Variants in UBP1 observed in about 807,000 individuals in gnomAD.
The protein encoded by UBP1 is upstream-binding protein 1.
UBP1 carries 22 observed loss-of-function variants against 76.1 expected under a neutral mutation model. The observed-to-expected ratio is 0.29, with a 90% CI of 0.21 to 0.41. The LOEUF (loss-of-function observed/expected upper bound fraction) is 0.41, where lower values mean the gene tolerates loss of function less well. Ranked by LOEUF, UBP1 falls within the 10% of genes least tolerant of loss-of-function variation. UBP1 has a pLI of 1.00. For missense variants in UBP1, 436 were observed against 668.1 expected, an observed-to-expected ratio of 0.65 and a Z score of 3.83; for synonymous variants, 224 against 237.1, an observed-to-expected ratio of 0.94 and a Z score of 0.51.
chr3:33,439,704 A>T (rs1482317192), intron 1 of UBP1, 32 bp downstream of exon 1: 1 of 1,606,096 alleles, frequency 6.2e-7, no homozygotes, highest in East Asian at 2.2e-5. Context: ...CCAAGGAGAC[A>T]GAGGCTTCTC....
At chr3:33,412,094 C>A (rs539596730) in intron 4 of UBP1, among the ~76,000 whole-genome samples, 1 of 143,614 alleles carries the variant, frequency 7.0e-6, no homozygotes, top group East Asian at 2.1e-4. Context: ...GGCTGAGGCA[C>A]AAGAATCACT....
chr3:33,390,722 G>A (rs1194409593), intron 15 of UBP1: 9 of 259,164 alleles, frequency 3.5e-5, no homozygotes, highest in Non-Finnish European at 5.3e-5. Flanking sequence ...CTGTGTCAGG[G>A]CAGAGGACCT....
At chr3:33,392,820 A>G in intron 14 of UBP1, 2 of 484,934 alleles carry the variant, frequency 4.1e-6, no homozygotes, top group East Asian at 6.8e-5. Flanking sequence ...GGTCCCTGAG[A>G]GACCTGGTCA....
Position 33,400,271 on chromosome 3 carries a change from A to G in UBP1, c.1098T>C (p.Pro366=). ...ASQTSGEQIQ[P]SATIQETQQW... ...GCTGTGTTTCCTGGATCGTAGCTGA[A>G]GGCTGAATTTGCTATTAACAATGAA... The change falls in exon 11 of 16, where the codon CCT becomes CCC. Residue 366 remains proline (P), a synonymous_variant. Coordinates refer to ENST00000283629, the MANE Select transcript of UBP1 (RefSeq NM_014517.5). 1 of 1,600,194 alleles carries G rather than the reference A, an allele frequency of 6.2e-7. No individual in the cohort carries two copies.
intron 1 of UBP1, 131 bp from the exon 2 acceptor site, chr3:33,425,872 T>TAA: frequency 4.0e-6 from 3 of 748,564 alleles, no homozygotes; most frequent in Non-Finnish European, 5.7e-6. Context: ...ATAGTTTTTT[T>TAA]TTTAAGATCA....
In UBP1 at chr3:33,401,011, G is replaced by T. The variant is rs769062378; in HGVS notation, c.1037C>A (p.Ser346Tyr). The part of the protein sequence containing the change: ...QSTCSVPDSN[S>Y]SSPNHQGDGA... ...ATCTCCCTGATGATTTGGGGAAGAA[G>T]AATTGCTGGGGAGAAAGGAGAAAGA... Residue 346 changes from serine to tyrosine, a missense_variant, in exon 10 of 16, where the codon TCT becomes TAT. Around this residue, in one of 3 missense-constraint regions of UBP1, gnomAD observed 210 missense variants for 272.8 expected, o/e 0.77. Coordinates refer to ENST00000283629, the MANE Select transcript of UBP1 (RefSeq NM_014517.5). The T allele has an allele frequency of 3.8e-6, 6 of 1,591,392 alleles. No individual in the cohort carries two copies. The highest frequency in any genetic ancestry group is 4.6e-5 in the East Asian group (2 of 43,216).
chr3:33,392,881 A>G, intron 14 of UBP1: 1 of 392,956 alleles, frequency 2.5e-6, no homozygotes, highest in Non-Finnish European at 4.5e-6. Flanking sequence ...CCAGTGGATG[A>G]TGACTCGAAC....
At position 33,389,973 on chromosome 3, in the gene UBP1, C is replaced by T. The variant is rs1409370377; in HGVS notation, c.*358G>A. The stretch of plus-strand genomic sequence containing the variant: ...ACTGGCACAGAAAGGTAAATGCCCA[C>T]AGTAAGTTTCTACATTCATTTCCAA... On this transcript the variant is annotated 3_prime_UTR_variant, in exon 16 of 16. Coordinates refer to ENST00000283629, the MANE Select transcript of UBP1 (RefSeq NM_014517.5). 4.7e-6 allele frequency: 1 copy of T among 214,198 alleles called. No individual in the cohort carries two copies. The highest frequency in any genetic ancestry group is 2.3e-5 in the African/African-American group (1 of 43,912). The allele number at this position is 214,198 out of a possible 1,614,324, so 13.3% of individuals were successfully genotyped here.
chr3:33,390,345 T>A lies in UBP1; in HGVS notation c.1609A>T (p.Ile537Leu). 1 of 1,614,182 alleles carries A rather than the reference T, an allele frequency of 6.2e-7. No homozygotes were observed. The highest frequency in any genetic ancestry group is 1.6e-4 in the Middle Eastern group (1 of 6,062). Residue 537 changes from isoleucine to leucine, a missense_variant, in exon 16 of 16, where the codon ATA (isoleucine) becomes TTA (leucine). Coordinates refer to ENST00000283629, the MANE Select transcript of UBP1 (RefSeq NM_014517.5). The part of the protein sequence containing the change: ...VKAESSDGIH[I>L]ILK ...TATATAAGACATCACTTCAAAATTA[T>A]GTGGATGCCATCACTACTTTCAGCT...
At chr3:33,440,972 A>G (rs2045292962), upstream of UBP1, 1 of 152,264 alleles carries the variant, frequency 6.6e-6, no homozygotes, top group Non-Finnish European at 1.5e-5. Context: ...TGGCGTGAGA[A>G]TAAGCCAATC....
In UBP1 at chr3:33,393,299, T is replaced by C. The variant is rs752168363; in HGVS notation, c.1533+13A>G. On this transcript the variant is annotated intron_variant, in intron 14 of 15. Coordinates refer to ENST00000283629, the MANE Select transcript of UBP1 (RefSeq NM_014517.5). ...TACCAGTCTGAAAAGGAAAAACAAATGATTTGATTTACCTGATCACTAACA... is the reference window on the plus strand; with the variant it reads ...TACCAGTCTGAAAAGGAAAAACAAACGATTTGATTTACCTGATCACTAACA... 1.3e-6 allele frequency: 2 copies of C among 1,588,412 alleles called. No homozygotes were observed. The highest frequency in any genetic ancestry group is 2.3e-5 in the South Asian group (2 of 85,414).
At chr3:33,417,824 A>G (rs1203285931) in intron 2 of UBP1, among the ~76,000 whole-genome samples, 1 of 152,166 alleles carries the variant, frequency 6.6e-6, no homozygotes, top group African/African-American at 2.4e-5. Flanking sequence ...CCTTGTCCAT[A>G]CTCCCAGGGG....
chr3:33,428,593 G>A (rs941457156), intron 1 of UBP1, among the ~76,000 whole-genome samples: 2 of 151,720 alleles, frequency 1.3e-5, no homozygotes, highest in Admixed American at 6.6e-5. Context: ...TATGCTCATG[G>A]TAAGTGCTAA....
At chr3:33,408,500 A>G (rs540527129) in intron 8 of UBP1, among the ~76,000 whole-genome samples, 190 bp downstream of exon 8, 3 of 152,246 alleles carry the variant, frequency 2.0e-5, no homozygotes, top group Non-Finnish European at 2.9e-5. Flanking sequence ...GCTTTGTTTT[A>G]AAGTGTTAGA....
chr3:33,405,856 A>G (rs1454919157), intron 8 of UBP1, among the ~76,000 whole-genome samples: 2 of 152,224 alleles, frequency 1.3e-5, no homozygotes, highest in Non-Finnish European at 2.9e-5. Flanking sequence ...GCAGAAATTA[A>G]GTCTCACCAA....
intron 1 of UBP1, among the ~76,000 whole-genome samples, chr3:33,434,422 C>T (rs1464679606): frequency 6.6e-6 from 1 of 151,402 alleles, no homozygotes; most frequent in Admixed American, 6.6e-5. Flanking sequence ...CCTCAGCCTC[C>T]CAGTAGCTGC....
Position 33,408,869 on chromosome 3 carries a change from G to A in UBP1, c.820-72C>T. On this transcript the variant is annotated intron_variant, in intron 7 of 15. Transcript: ENST00000283629. ...AGAAAGATCTAACACCCTGTTTCAT[G>A]TCTCTTCAGTCCAATTAAACAAATG... 1.2e-5 allele frequency: 15 copies of A among 1,283,910 alleles called. No individual in the cohort carries two copies. In the South Asian group the frequency reaches 1.7e-4, roughly 15 times the overall value. The allele number at this position is 1,283,910 out of a possible 1,614,324, so 79.5% of individuals were successfully genotyped here. A position where few individuals can be genotyped will look rare whatever the true frequency, so the allele number is the denominator to read the frequency against.
At chr3:33,398,515 C>T (rs2044096162) in intron 11 of UBP1, 1 of 152,330 alleles carries the variant, frequency 6.6e-6, no homozygotes, top group Admixed American at 6.5e-5. Flanking sequence ...ATGTACAACC[C>T]TTCCTGAAAT....
At chr3:33,415,504 A>C (rs2044705911) in intron 3 of UBP1, among the ~76,000 whole-genome samples, 1 of 152,170 alleles carries the variant, frequency 6.6e-6, no homozygotes. Context: ...ACTTATGAGA[A>C]CTCATGATAT....
Sources: gnomAD v4.1 joint callset for allele counts (sites outside exome capture counted in the v4.1 genomes callset) on GRCh38, gnomAD v4.1.1 for gene constraint, gnomAD v4.1.1 regional missense constraint, MANE v1.5 for transcripts, NCBI Gene and HGNC (gene_info 2026-07-23, HGNC 2026-07-21) for gene names.